The following HCRTR2 variants were observed in gnomAD, a reference collection of about 807,000 sequenced individuals.
HCRTR2 encodes hypocretin receptor 2.
In HCRTR2, 22 loss-of-function variants were observed where a neutral mutation model predicts 49.0. The observed-to-expected ratio is 0.45, with a 90% CI of 0.32 to 0.64. HCRTR2 has a LOEUF of 0.64. Among genes scored for constraint, HCRTR2 ranks in the 30% least tolerant of loss-of-function variants. The probability of loss-of-function intolerance (pLI) is 0.04; values close to 1 mark genes in which losing one functional copy is unlikely to be tolerated. For synonymous variants in HCRTR2, 236 were observed against 205.3 expected (o/e 1.15, Z -1.28); for missense variants, 491 against 559.4 (o/e 0.88, Z 1.23).
At chr6:55,235,923 T>C (rs940514260) in intron 1 of HCRTR2, among the ~76,000 whole-genome samples, 2 of 152,126 alleles carry the variant, frequency 1.3e-5, no homozygotes, top group Non-Finnish European at 2.9e-5. Context: ...TTTGTATTAA[T>C]ATTTGATAGC....
chr6:55,274,909 G>A (rs1236766178), intron 4 of HCRTR2, among the ~76,000 whole-genome samples: 1 of 152,020 alleles, frequency 6.6e-6, no homozygotes, highest in East Asian at 1.9e-4. Flanking sequence ...AACAAGATTG[G>A]AATTATTTAT....
intron 1 of HCRTR2, among the ~76,000 whole-genome samples, chr6:55,154,834 C>A (rs780474349): frequency 2.6e-5 from 4 of 151,692 alleles, no homozygotes; most frequent in Admixed American, 6.6e-5. Flanking sequence ...AACAAACAAA[C>A]ACACAAACAA....
At chr6:55,147,566 C>T (rs1221187126) in intron 1 of HCRTR2, among the ~76,000 whole-genome samples, 1 of 152,116 alleles carries the variant, frequency 6.6e-6, no homozygotes, top group Non-Finnish European at 1.5e-5. Context: ...GTGACACAAC[C>T]AGCAAGAGGC....
At chr6:55,203,607 G>A (rs938520211) in intron 1 of HCRTR2, among the ~76,000 whole-genome samples, 4 of 152,098 alleles carry the variant, frequency 2.6e-5, no homozygotes, top group African/African-American at 9.7e-5. Flanking sequence ...GTTCGGGTAT[G>A]GGTTCAATTT....
chr6:55,130,369 C>CT (rs984278675), intron 1 of HCRTR2, among the ~76,000 whole-genome samples: 5 of 149,022 alleles, frequency 3.4e-5, no homozygotes, highest in African/African-American at 1.0e-4. Context: ...AATTGGTAAC[C>CT]TTTTTTTTGT....
At chr6:55,148,625 G>T (rs956015074) in intron 1 of HCRTR2, among the ~76,000 whole-genome samples, 1 of 152,086 alleles carries the variant, frequency 6.6e-6, no homozygotes, top group Non-Finnish European at 1.5e-5. Context: ...AAGCCAATAT[G>T]CTTCTCCCAC....
At chr6:55,243,777 T>G (rs1248231343) in intron 1 of HCRTR2, among the ~76,000 whole-genome samples, 7 of 151,982 alleles carry the variant, frequency 4.6e-5, no homozygotes, top group Non-Finnish European at 4.4e-5. Flanking sequence ...CGTAGAGAGA[T>G]AAGAAAAAAT....
At chr6:55,215,457 C>T (rs1055926070) in intron 1 of HCRTR2, among the ~76,000 whole-genome samples, 7 of 152,036 alleles carry the variant, frequency 4.6e-5, no homozygotes, top group Non-Finnish European at 8.8e-5. Flanking sequence ...AATAAAAGAA[C>T]GCTGAACAGC....
At chr6:55,224,895 A>C (rs1398687096) in intron 1 of HCRTR2, among the ~76,000 whole-genome samples, 1 of 152,172 alleles carries the variant, frequency 6.6e-6, no homozygotes, top group Non-Finnish European at 1.5e-5. Context: ...AAAGAATAAA[A>C]AATTTCAGTT....
intron 6 of HCRTR2, among the ~76,000 whole-genome samples, chr6:55,281,754 G>T (rs144822647): frequency 6.6e-6 from 1 of 152,078 alleles, no homozygotes; most frequent in East Asian, 1.9e-4. Context: ...GGATATTTGA[G>T]TGTATGTTTC....
chr6:55,268,528 T>A (rs2653343), intron 4 of HCRTR2, among the ~76,000 whole-genome samples: 128,063 of 151,986 alleles, frequency 0.84, 54,126 homozygotes, highest in East Asian at 0.94. Context: ...ATAACAGAAG[T>A]AGTACTAAAA....
chr6:55,157,324 C>T lies in HCRTR2; in HGVS notation c.-377-16887C>T, dbSNP rs566773972. 2.0e-5 allele frequency among the ~76,000 whole-genome samples: 3 copies of T among 152,308 alleles called. No homozygotes were observed. In the East Asian group the frequency reaches 5.8e-4, roughly 29 times the overall value. On this transcript the variant is annotated intron_variant, in intron 1 of 7. Transcript: ENST00000615358. ...TAGGAAGGAATTTACCAAGAATGTA[C>T]AAGTTTTATGTACTGAAAAATAAAA...
intron 2 of HCRTR2, among the ~76,000 whole-genome samples, chr6:55,251,973 C>A (rs1766559589): frequency 6.6e-6 from 1 of 151,986 alleles, no homozygotes; most frequent in Non-Finnish European, 1.5e-5. Context: ...GAAAAAGACA[C>A]CCAGAAGTGC....
At chr6:55,141,593 G>A (rs986929077) in intron 1 of HCRTR2, among the ~76,000 whole-genome samples, 29 of 152,202 alleles carry the variant, frequency 1.9e-4, no homozygotes, top group African/African-American at 6.0e-4. Flanking sequence ...TTCTAGAGAA[G>A]AGCTTATAAT....
chr6:55,167,364 A>G (rs1240750207), intron 1 of HCRTR2, among the ~76,000 whole-genome samples: 4 of 152,138 alleles, frequency 2.6e-5, no homozygotes, highest in Non-Finnish European at 5.9e-5. Context: ...TTGTATGTAT[A>G]TTTATTAAAA....
At chr6:55,132,636 G>T (rs1764374437) in intron 1 of HCRTR2, among the ~76,000 whole-genome samples, 1 of 151,746 alleles carries the variant, frequency 6.6e-6, no homozygotes, top group Admixed American at 6.6e-5. Flanking sequence ...ATACGTTTCA[G>T]ATTGAGGTCA....
At chr6:55,111,633 G>T (rs745620736) in intron 1 of HCRTR2, among the ~76,000 whole-genome samples, 1 of 151,872 alleles carries the variant, frequency 6.6e-6, no homozygotes, top group African/African-American at 2.4e-5. Flanking sequence ...ACAATAACAC[G>T]CAGTGAGATT....
chr6:55,112,076 T>C (rs952966378), intron 1 of HCRTR2, among the ~76,000 whole-genome samples: 4 of 151,948 alleles, frequency 2.6e-5, no homozygotes, highest in Non-Finnish European at 5.9e-5. Flanking sequence ...AGAAAAAGCA[T>C]TTGACAAAAT....
chr6:55,181,105 G>A lies in HCRTR2; in HGVS notation c.223+6295G>A, dbSNP rs116620576. Among the ~76,000 whole-genome samples the A allele has an allele frequency of 9.3e-3, 1,406 of 151,978 alleles. 21 individuals carry two copies. The highest frequency in any genetic ancestry group is 0.032 in the African/African-American group (1,344 of 41,476). ...GCAGGCATGAGCCACTGTGCCTGACGTGAACAGGTCAATTTCTATATCACC... is the reference window on the plus strand; with the variant it reads ...GCAGGCATGAGCCACTGTGCCTGACATGAACAGGTCAATTTCTATATCACC... On this transcript the variant is annotated intron_variant, in intron 1 of 6. Transcript: ENST00000370862.
Sources: gnomAD v4.1 joint callset for allele counts (sites outside exome capture counted in the v4.1 genomes callset) on GRCh38, gnomAD v4.1.1 for gene constraint, MANE v1.5 for transcripts, NCBI Gene and HGNC (gene_info 2026-07-23, HGNC 2026-07-21) for gene names.